The following LINGO2 variants were observed in gnomAD, a reference collection of about 807,000 sequenced individuals.
LINGO2 encodes the protein leucine rich repeat and Ig domain containing 2.
Under a neutral mutation model 30.6 loss-of-function variants are expected in LINGO2, and 14 were observed. That is an observed-to-expected ratio of 0.46 (90% CI 0.30 to 0.72). The LOEUF (loss-of-function observed/expected upper bound fraction) is 0.72. Ranked by LOEUF, LINGO2 falls within the 30% of genes least tolerant of loss-of-function variation. The pLI is 0.07. For synonymous variants in LINGO2, 317 were observed against 288.5 expected (o/e 1.10, Z -1.00); for missense variants, 729 against 751.7 (o/e 0.97, Z 0.35).
intron 4 of LINGO2, among the ~76,000 whole-genome samples, chr9:28,185,754 A>T (rs1272939002): frequency 6.6e-6 from 1 of 152,172 alleles, no homozygotes; most frequent in Non-Finnish European, 1.5e-5. Flanking sequence ...TTTACAGTCC[A>T]GGAGAATGAT....
chr9:28,823,038 T>G, the LINGO2 span, among the ~76,000 whole-genome samples: 1 of 152,158 alleles, frequency 6.6e-6, no homozygotes, highest in Admixed American at 6.5e-5. Flanking sequence ...TGAGTTGGAA[T>G]TGTATTGTAC....
At chr9:29,195,763 C>A in the LINGO2 span, among the ~76,000 whole-genome samples, 392 of 152,266 alleles carry the variant, frequency 2.6e-3, no homozygotes, top group Non-Finnish European at 4.4e-3. Flanking sequence ...ACGAAAGATT[C>A]TTTCACAGAT....
intron 4 of LINGO2, among the ~76,000 whole-genome samples, chr9:28,108,601 G>A (rs1330086024): frequency 6.6e-6 from 1 of 152,058 alleles, no homozygotes; most frequent in Admixed American, 6.6e-5. Flanking sequence ...AGGCCTCTTA[G>A]TACTTCCCTC....
chr9:29,078,502 C>T, the LINGO2 span, among the ~76,000 whole-genome samples: 1 of 151,862 alleles, frequency 6.6e-6, no homozygotes. Flanking sequence ...CTTGAATAAA[C>T]CTTGAATAAA....
At chr9:28,864,604 C>A in the LINGO2 span, among the ~76,000 whole-genome samples, 2 of 151,430 alleles carry the variant, frequency 1.3e-5, no homozygotes, top group East Asian at 3.9e-4. Flanking sequence ...TCAAAGTAAC[C>A]ATCAAATGTC....
Position 28,314,230 on chromosome 9 carries a change from G to A in LINGO2, c.-245-18864C>T, listed in dbSNP as rs563620088. Among the ~76,000 whole-genome samples, 6 of 152,258 alleles carry A rather than the reference G, an allele frequency of 3.9e-5. No homozygotes were observed. The South Asian group carries it at 8.3e-4, about 21-fold the overall frequency. On this transcript the variant is annotated intron_variant, in intron 3 of 5. Transcript: ENST00000379992. ...ATTACAGGCGTGAGCCACCGCGCCCGGCCGAGAATTGATTTTTGATCTTTT... is the reference window on the plus strand; with the variant it reads ...ATTACAGGCGTGAGCCACCGCGCCCAGCCGAGAATTGATTTTTGATCTTTT...
chr9:28,519,278 C>A (rs1820741545), intron 1 of LINGO2, among the ~76,000 whole-genome samples: 1 of 151,954 alleles, frequency 6.6e-6, no homozygotes, highest in Non-Finnish European at 1.5e-5. Context: ...TCAAGTGATC[C>A]CCGGCCTCTG....
chr9:28,748,132 A>AT, the LINGO2 span, among the ~76,000 whole-genome samples: 2,542 of 152,058 alleles, frequency 0.017, 82 homozygotes, highest in African/African-American at 0.058. Context: ...CTTTCCAGTA[A>AT]TTTTTGACAC....
chr9:28,292,538 C>T (rs1185687067), intron 4 of LINGO2, among the ~76,000 whole-genome samples: 1 of 152,084 alleles, frequency 6.6e-6, no homozygotes, highest in Non-Finnish European at 1.5e-5. Context: ...TCTTGGCTCA[C>T]TGCAACCTCC....
the LINGO2 span, among the ~76,000 whole-genome samples, chr9:29,095,725 G>C: frequency 3.6e-5 from 5 of 138,862 alleles, no homozygotes; most frequent in African/African-American, 1.4e-4. Flanking sequence ...GTTGGGACTG[G>C]GAGTCCTTCA....
In LINGO2 at chr9:28,189,673, A is replaced by G. The variant is rs201879948; in HGVS notation, c.-87+105535T>C. Among the ~76,000 whole-genome samples, 101 of 20,232 alleles carry G rather than the reference A, an allele frequency of 5.0e-3. 2 individuals carry two copies. The highest frequency in any genetic ancestry group is 6.5e-3 in the Non-Finnish European group (56 of 8,614). 13.3% of individuals were successfully genotyped at this position (20,232 alleles called of 152,430 possible). ...GGAGGAAGGAAGGAAGGAAGGGAGG[A>G]AGGAAGGAAGGGAGGAAGGAAGGGA... On this transcript the variant is annotated intron_variant, in intron 4 of 5. Coordinates refer to ENST00000379992, the Ensembl canonical transcript of LINGO2.
At chr9:28,537,664 C>T (rs1300370100) in intron 1 of LINGO2, among the ~76,000 whole-genome samples, 1 of 151,824 alleles carries the variant, frequency 6.6e-6, no homozygotes, top group Non-Finnish European at 1.5e-5. Flanking sequence ...CAGAATTAAA[C>T]TCAGAGAAAG....
At chr9:28,342,247 CTA>C (rs1169921199) in intron 3 of LINGO2, among the ~76,000 whole-genome samples, 1 of 152,136 alleles carries the variant, frequency 6.6e-6, no homozygotes, top group Non-Finnish European at 1.5e-5. Flanking sequence ...GTCTTCTAAT[CTA>C]TGTTGTTACT....
chr9:28,959,392 T>C, the LINGO2 span, among the ~76,000 whole-genome samples: 6 of 151,738 alleles, frequency 4.0e-5, no homozygotes, highest in Non-Finnish European at 8.8e-5. Flanking sequence ...TCTAGATACA[T>C]TATAATAACC....
intron 5 of LINGO2, among the ~76,000 whole-genome samples, chr9:28,008,933 AATT>A (rs1256488800): frequency 2.0e-5 from 3 of 152,146 alleles, no homozygotes; most frequent in Non-Finnish European, 4.4e-5. Flanking sequence ...TTCATAAAGA[AATT>A]ATAAGGAACC....
At chr9:28,778,062 C>A in the LINGO2 span, among the ~76,000 whole-genome samples, 3 of 152,100 alleles carry the variant, frequency 2.0e-5, no homozygotes, top group Non-Finnish European at 4.4e-5. Context: ...TAGAAGCATT[C>A]TGCATATAAA....
chr9:28,044,806 A>G (rs999691781), intron 4 of LINGO2, among the ~76,000 whole-genome samples: 1 of 152,004 alleles, frequency 6.6e-6, no homozygotes, highest in Non-Finnish European at 1.5e-5. Context: ...TGTTATAAGG[A>G]ATCAGAGACT....
chr9:28,988,094 T>A, the LINGO2 span, among the ~76,000 whole-genome samples: 1 of 152,232 alleles, frequency 6.6e-6, no homozygotes, highest in Middle Eastern at 3.2e-3. Flanking sequence ...ATTAATTTTC[T>A]GTTGAGATGA....
intron 4 of LINGO2, among the ~76,000 whole-genome samples, chr9:28,229,672 A>G (rs989147865): frequency 6.6e-6 from 1 of 151,800 alleles, no homozygotes; most frequent in African/African-American, 2.4e-5. Flanking sequence ...TTTAAAAAAT[A>G]AAGTGATAAT....
Sources: allele counts gnomAD v4.1 joint callset (sites outside exome capture counted in the v4.1 genomes callset), GRCh38; gene constraint gnomAD v4.1.1; transcripts MANE v1.5; gene names NCBI Gene and HGNC (gene_info 2026-07-23, HGNC 2026-07-21).